The following MCTP1 variants were observed in gnomAD, a reference collection of about 807,000 sequenced individuals.
MCTP1 encodes the protein multiple C2 and transmembrane domain-containing protein 1.
In MCTP1, 69 loss-of-function variants were observed where a neutral mutation model predicts 120.6. The observed-to-expected ratio is 0.57, with a 90% CI of 0.47 to 0.70. MCTP1 has a LOEUF of 0.70. Ranked by LOEUF, MCTP1 falls within the 30% of genes least tolerant of loss-of-function variation. The pLI, the probability that MCTP1 is intolerant of heterozygous loss-of-function variation, is 0.00. For missense variants in MCTP1, 1,203 were observed against 1,248.8 expected, an observed-to-expected ratio of 0.96 and a Z score of 0.55; for synonymous variants, 529 against 493.1, an observed-to-expected ratio of 1.07 and a Z score of -0.96.
chr5:94,920,929 C>A (rs1448440145), intron 7 of MCTP1, among the ~76,000 whole-genome samples: 1 of 151,936 alleles, frequency 6.6e-6, no homozygotes, highest in Non-Finnish European at 1.5e-5. Flanking sequence ...CCCATTGTGA[C>A]CCTTTTCTTG....
intron 1 of MCTP1, among the ~76,000 whole-genome samples, chr5:95,026,539 A>C (rs1359512820): frequency 6.6e-6 from 1 of 152,066 alleles, no homozygotes; most frequent in African/African-American, 2.4e-5. Flanking sequence ...AGACCATGCA[A>C]AGTTTGTCTT....
chr5:94,744,142 ATTGTTTGT>A (rs200277190), intron 19 of MCTP1, among the ~76,000 whole-genome samples: 5 of 151,278 alleles, frequency 3.3e-5, no homozygotes, highest in Non-Finnish European at 7.4e-5. Context: ...AGCTAATGTT[ATTGTTTGT>A]TTGTTTGTTT....
intron 10 of MCTP1, among the ~76,000 whole-genome samples, chr5:94,896,878 G>A (rs927410206): frequency 2.6e-5 from 4 of 152,076 alleles, no homozygotes; most frequent in Admixed American, 1.3e-4. Context: ...GAGGGCCAGG[G>A]AGGGTACATG....
rs1762388464 is a variant in MCTP1, at chr5:94,727,657, A to T, written c.2611-12771T>A. On this transcript the variant is annotated intron_variant, in intron 19 of 22. Transcript: ENST00000515393. ...GGGGATAGGGAACAGTCTTAAGAAC[A>T]AATCAGGATAAAAGCAATGTCAAAG... Among the ~76,000 whole-genome samples the T allele has an allele frequency of 3.3e-5, 5 of 152,210 alleles. No individual in the cohort carries two copies. The South Asian group carries it at 1.0e-3, about 31-fold the overall frequency.
At chr5:95,149,853 G>A (rs1207577007) in intron 1 of MCTP1, among the ~76,000 whole-genome samples, 2 of 151,876 alleles carry the variant, frequency 1.3e-5, no homozygotes, top group Non-Finnish European at 2.9e-5. Flanking sequence ...GATTGTGCAG[G>A]TCCCTGTAGG....
intron 6 of MCTP1, among the ~76,000 whole-genome samples, chr5:94,927,487 A>C (rs1813453546): frequency 6.6e-6 from 1 of 152,128 alleles, no homozygotes; most frequent in African/African-American, 2.4e-5. Context: ...GAAATATGGC[A>C]CCTAAGAAAA....
intron 1 of MCTP1, among the ~76,000 whole-genome samples, chr5:95,163,949 G>C (rs1746036634): frequency 6.6e-6 from 1 of 152,132 alleles, no homozygotes; most frequent in African/African-American, 2.4e-5. Context: ...TTTATGGTAA[G>C]AGGTTTTAAT....
intron 1 of MCTP1, among the ~76,000 whole-genome samples, chr5:95,061,636 C>T (rs1409848692): frequency 3.3e-5 from 5 of 151,326 alleles, no homozygotes; most frequent in African/African-American, 1.2e-4. Context: ...GGGGTTTCAC[C>T]GTGTTAGCCG....
At chr5:94,891,787 T>TAA in intron 11 of MCTP1, among the ~76,000 whole-genome samples, 2 of 151,510 alleles carry the variant, frequency 1.3e-5, no homozygotes, top group South Asian at 4.2e-4. Context: ...AATAAATAAA[T>TAA]ATATTGGTTT....
chr5:95,013,752 T>C (rs1311394953), intron 2 of MCTP1, among the ~76,000 whole-genome samples: 1 of 152,140 alleles, frequency 6.6e-6, no homozygotes, highest in East Asian at 1.9e-4. Flanking sequence ...AGAGTTCTGA[T>C]GAAGATGTAC....
At chr5:95,234,183 C>T (rs543976339) in intron 1 of MCTP1, among the ~76,000 whole-genome samples, 17 of 152,240 alleles carry the variant, frequency 1.1e-4, no homozygotes, top group East Asian at 5.8e-4. Flanking sequence ...GATTCAATAA[C>T]GAGAGACCAT....
chr5:95,237,883 G>C (rs1755727681), intron 1 of MCTP1, among the ~76,000 whole-genome samples: 1 of 152,044 alleles, frequency 6.6e-6, no homozygotes, highest in African/African-American at 2.4e-5. Flanking sequence ...CCATGATCCA[G>C]AGCCTTGTTT....
intron 1 of MCTP1, among the ~76,000 whole-genome samples, chr5:95,150,904 AAC>A (rs200431818): frequency 0.012 from 1,896 of 152,230 alleles, 18 homozygotes; most frequent in Admixed American, 0.015. Flanking sequence ...CAATAACATA[AAC>A]AGTCAATAAA....
At chr5:95,063,789 G>A (rs1217113148) in intron 1 of MCTP1, among the ~76,000 whole-genome samples, 1 of 150,830 alleles carries the variant, frequency 6.6e-6, no homozygotes, top group Non-Finnish European at 1.5e-5. Flanking sequence ...GTAGAGATGA[G>A]GTTTTGCCAT....
chr5:95,069,186 T>A (rs1234547986), intron 1 of MCTP1, among the ~76,000 whole-genome samples: 1 of 152,096 alleles, frequency 6.6e-6, no homozygotes, highest in African/African-American at 2.4e-5. Flanking sequence ...TGATGGTGAG[T>A]TACAATGCAG....
intron 1 of MCTP1, among the ~76,000 whole-genome samples, chr5:95,095,791 A>G (rs1756215256): frequency 6.6e-6 from 1 of 152,210 alleles, no homozygotes; most frequent in African/African-American, 2.4e-5. Context: ...AGACTGAAGT[A>G]CATGACTCAA....
chr5:94,741,224 G>T (rs184921333), intron 19 of MCTP1, among the ~76,000 whole-genome samples: 1 of 152,010 alleles, frequency 6.6e-6, no homozygotes, highest in Non-Finnish European at 1.5e-5. Context: ...ATATGTCATC[G>T]AAAATATTTG....
chr5:95,110,150 T>C (rs565851028), intron 1 of MCTP1, among the ~76,000 whole-genome samples: 2 of 152,276 alleles, frequency 1.3e-5, no homozygotes, highest in South Asian at 4.1e-4. Context: ...TCTAGTGTGA[T>C]CAACTTTGTG....
At chr5:94,913,619 C>T (rs184501303) in intron 8 of MCTP1, among the ~76,000 whole-genome samples, 1 of 152,218 alleles carries the variant, frequency 6.6e-6, no homozygotes, top group Non-Finnish European at 1.5e-5. Context: ...TTTAAAGTTA[C>T]CCATGTGATT....
Sources: gnomAD v4.1 joint callset for allele counts (sites outside exome capture counted in the v4.1 genomes callset) on GRCh38, gnomAD v4.1.1 for gene constraint, MANE v1.5 for transcripts, NCBI Gene and HGNC (gene_info 2026-07-23, HGNC 2026-07-21) for gene names.